Variants in TRAM2 observed in about 807,000 individuals in gnomAD.
TRAM2 encodes translocation associated membrane protein 2.
In TRAM2, 12 loss-of-function variants were observed where a neutral mutation model predicts 51.0. The observed-to-expected ratio is 0.24, with a 90% CI of 0.15 to 0.38. The LOEUF is 0.38. Among genes scored for constraint, TRAM2 ranks in the 10% least tolerant of loss-of-function variants. The pLI is 1.00. For synonymous variants in TRAM2, 175 were observed against 179.4 expected (o/e 0.98, Z 0.20); for missense variants, 361 against 462.0 (o/e 0.78, Z 2.00).
intron 2 of TRAM2, among the ~76,000 whole-genome samples, chr6:52,518,054 C>A (rs574530410): frequency 1.3e-5 from 2 of 152,174 alleles, no homozygotes; most frequent in Non-Finnish European, 2.9e-5. Context: ...ACACCACCCC[C>A]GGTTGGAAAA....
chr6:52,526,830 C>T (rs1293793949), intron 2 of TRAM2, among the ~76,000 whole-genome samples: 1 of 152,204 alleles, frequency 6.6e-6, no homozygotes, highest in Non-Finnish European at 1.5e-5. Flanking sequence ...GTGGCTTCTG[C>T]ATACAACATC....
chr6:52,503,315 G>T, intron 10 of TRAM2, 45 bp from the exon 11 acceptor site: 1 of 1,578,420 alleles, frequency 6.3e-7, no homozygotes, highest in Non-Finnish European at 8.7e-7. Flanking sequence ...TTCTGCTGGA[G>T]CTAAGGCAGA....
intron 7 of TRAM2, 100 bp from the exon 8 acceptor site, chr6:52,506,236 C>G: frequency 2.8e-6 from 3 of 1,064,158 alleles, no homozygotes; most frequent in Non-Finnish European, 4.3e-6. Flanking sequence ...CCTGGCTGGG[C>G]TCTGCTTTCC....
chr6:52,503,333 A>T, intron 10 of TRAM2, 63 bp from the exon 11 acceptor site: 26 of 1,451,662 alleles, frequency 1.8e-5, no homozygotes, highest in African/African-American at 2.8e-5. Context: ...AGAAGAGGGG[A>T]GGGTGGGGCC....
intron 2 of TRAM2, chr6:52,517,026 T>A: frequency 2.8e-6 from 1 of 353,256 alleles, no homozygotes; most frequent in Non-Finnish European, 5.3e-6. Flanking sequence ...GAGCCAGGGT[T>A]AGAGACCACC....
intron 1 of TRAM2, among the ~76,000 whole-genome samples, chr6:52,541,356 C>T (rs1012159658): frequency 6.6e-6 from 1 of 152,196 alleles, no homozygotes; most frequent in Admixed American, 6.5e-5. Context: ...AATCATGTCC[C>T]CATTTCACAG....
intron 2 of TRAM2, among the ~76,000 whole-genome samples, chr6:52,532,725 G>T (rs1581881771): frequency 6.6e-6 from 1 of 152,138 alleles, no homozygotes; most frequent in Middle Eastern, 3.2e-3. Flanking sequence ...TCCCTATTAA[G>T]AAACATCCTG....
Position 52,502,045 on chromosome 6 carries a change from T to G in TRAM2, c.*1152A>C, listed in dbSNP as rs1766239985. 1 of 152,194 alleles carries G rather than the reference T, an allele frequency of 6.6e-6. No homozygotes were observed. The highest frequency in any genetic ancestry group is 2.4e-5 in the African/African-American group (1 of 41,418). The allele number at this position is 152,194 out of a possible 1,614,324, so 9.4% of individuals were successfully genotyped here. Reference sequence around the variant, plus strand: ...CATGCAGTCTAAAATGCTGTAGTTGTGCTCAAAAAACGACAATTCCAAAGA... The same window carrying G: ...CATGCAGTCTAAAATGCTGTAGTTGGGCTCAAAAAACGACAATTCCAAAGA... On this transcript the variant is annotated 3_prime_UTR_variant, in exon 11 of 11. Coordinates refer to ENST00000182527, the MANE Select transcript of TRAM2 (RefSeq NM_012288.4).
rs1766250709 is a variant in TRAM2 at position 52,502,469 on chromosome 6, C to T, written c.*728G>A. On this transcript the variant is annotated 3_prime_UTR_variant, in exon 11 of 11. Transcript: ENST00000182527. ...CCCCCACAGAGCGACAGCAGGCTGG[C>T]TTCCAATCCGCGGCCAGCCACTGGT... 6.6e-6 allele frequency: 1 copy of T among 152,246 alleles called. No homozygotes were observed. The highest frequency in any genetic ancestry group is 2.4e-5 in the African/African-American group (1 of 41,452). The allele number at this position is 152,246 out of a possible 1,614,324, so 9.4% of individuals were successfully genotyped here.
chr6:52,562,919 T>C (rs1216214151), intron 1 of TRAM2, among the ~76,000 whole-genome samples: 1 of 152,240 alleles, frequency 6.6e-6, no homozygotes, highest in African/African-American at 2.4e-5. Context: ...AGTCTATGGC[T>C]AATTGATTCA....
intron 1 of TRAM2, among the ~76,000 whole-genome samples, chr6:52,570,804 C>T (rs867576633): frequency 8.4e-5 from 7 of 83,436 alleles, no homozygotes; most frequent in South Asian, 5.7e-4. Flanking sequence ...CACCCCCCCC[C>T]CCACACGCAC....
rs1479989918 is a variant in TRAM2 at position 52,504,597 on chromosome 6, C to T, written c.1033G>A (p.Glu345Lys). ...CAAGGGCCCTGGCACTCACCAGATT[C>T]CCTCTTGATGAGCCTGGCTGGTAGT... ...PRLPARLIKR[E>K]SGYHENGVVK... The change falls in exon 10 of 11, where the codon GAA (glutamate) becomes AAA (lysine). Residue 345 changes from glutamate to lysine, a missense_variant. Coordinates refer to ENST00000182527, the MANE Select transcript of TRAM2 (RefSeq NM_012288.4). 6.2e-7 allele frequency: 1 copy of T among 1,614,040 alleles called. No individual in the cohort carries two copies. Among genetic ancestry groups the T allele is most frequent in the Non-Finnish European group, 8.5e-7 (1 of 1,180,054 alleles).
At chr6:52,565,807 G>A (rs865797596) in intron 1 of TRAM2, among the ~76,000 whole-genome samples, 2 of 152,174 alleles carry the variant, frequency 1.3e-5, no homozygotes, top group South Asian at 4.1e-4. Flanking sequence ...TACAGGCTGT[G>A]CCTACTTCTT....
intron 1 of TRAM2, among the ~76,000 whole-genome samples, chr6:52,574,939 C>T (rs1235418110): frequency 1.3e-5 from 2 of 152,164 alleles, no homozygotes; most frequent in Non-Finnish European, 2.9e-5. Flanking sequence ...TTCGTCGCTG[C>T]AGCCTGTGGC....
intron 1 of TRAM2, among the ~76,000 whole-genome samples, chr6:52,574,318 A>G (rs1194572289): frequency 6.6e-6 from 1 of 152,160 alleles, no homozygotes; most frequent in Admixed American, 6.5e-5. Flanking sequence ...CTCATTTGAT[A>G]GAGGCAGCAG....
chr6:52,537,069 C>T (rs1766986984), intron 1 of TRAM2, among the ~76,000 whole-genome samples: 1 of 152,180 alleles, frequency 6.6e-6, no homozygotes, highest in South Asian at 2.1e-4. Context: ...CAACCCTCTC[C>T]TTTAAAGAGC....
chr6:52,515,932 G>A, intron 4 of TRAM2, 74 bp downstream of exon 4: 1 of 1,311,192 alleles, frequency 7.6e-7, no homozygotes, highest in Non-Finnish European at 1.1e-6. Context: ...GCAGTCATTT[G>A]ATTAGCAATC....
chr6:52,541,803 G>GTTTTTTTTTTTTTTTTTTTTTT (rs56919932), intron 1 of TRAM2, among the ~76,000 whole-genome samples: 92 of 138,704 alleles, frequency 6.6e-4, no homozygotes, highest in Non-Finnish European at 1.0e-3. Context: ...AGTTTATTCT[G>GTTTTTTTTTTTTTTTTTTTTTT]TTTTTTTTTT....
At chr6:52,505,238 CAGG>C (rs1766324885) in intron 9 of TRAM2, among the ~76,000 whole-genome samples, 2 of 152,228 alleles carry the variant, frequency 1.3e-5, no homozygotes, top group African/African-American at 4.8e-5. Flanking sequence ...CTCACTGCCA[CAGG>C]AGGCCACTGG....
Sources: allele counts gnomAD v4.1 joint callset (sites outside exome capture counted in the v4.1 genomes callset), GRCh38; gene constraint gnomAD v4.1.1; transcripts MANE v1.5; gene names NCBI Gene and HGNC (gene_info 2026-07-23, HGNC 2026-07-21).